Variants in NISCH observed in about 807,000 individuals in gnomAD.
NISCH encodes the protein I-1 receptor candidate protein.
In NISCH, 55 loss-of-function variants were observed where a neutral mutation model predicts 138.4. The observed-to-expected ratio is 0.40, with a 90% CI of 0.32 to 0.50. The LOEUF is 0.50. NISCH is among the 20% of genes least tolerant of loss of function. The probability of loss-of-function intolerance (pLI) is 0.71; values close to 1 mark genes in which losing one functional copy is unlikely to be tolerated. For synonymous variants in NISCH, 860 were observed against 861.5 expected (o/e 1.00, Z 0.03); for missense variants, 1,643 against 2,005.5 (o/e 0.82, Z 3.45).
Position 52,487,907 on chromosome 3 carries a change from G to A in NISCH, c.2415G>A (p.Ala805=), listed in dbSNP as rs778935469. ...SDAANLHEFH[A]DLRSCFAPQH... Reference sequence around the variant, plus strand: ...CCGCCAACCTGCACGAGTTCCACGCGGACCTGCGCTCATGCTTTGCACCCC... The same window carrying A: ...CCGCCAACCTGCACGAGTTCCACGCAGACCTGCGCTCATGCTTTGCACCCC... Residue 805 remains alanine, a synonymous_variant, in exon 16 of 21, where the codon GCG becomes GCA. Coordinates refer to ENST00000345716, the MANE Select transcript of NISCH (RefSeq NM_007184.4). The surrounding 1 kb of genome is among the most constrained non-coding windows in gnomAD (Gnocchi z 9.1). 2.0e-5 allele frequency: 32 copies of A among 1,611,800 alleles called. No homozygotes were observed. In the East Asian group the frequency reaches 4.7e-4, roughly 24 times the overall value.
intron 1 of NISCH, among the ~76,000 whole-genome samples, 162 bp from the exon 2 acceptor site, chr3:52,457,681 G>A (rs1706512904): frequency 6.6e-6 from 1 of 152,218 alleles, no homozygotes; most frequent in Non-Finnish European, 1.5e-5. Flanking sequence ...GAGGCTGGTG[G>A]GCAAGGGCAG....
intron 7 of NISCH, 197 bp from the exon 8 acceptor site, chr3:52,476,250 T>A (rs986632357): frequency 1.0e-4 from 64 of 611,476 alleles, no homozygotes; most frequent in Non-Finnish European, 1.7e-4. Context: ...AAGTGGCTGT[T>A]ATGTGGTAAA....
At chr3:52,484,462 T>TGGCGC in intron 13 of NISCH, 51 bp from the exon 14 acceptor site, 1 of 788,670 alleles carries the variant, frequency 1.3e-6, no homozygotes. Flanking sequence ...ACAGCCGCTC[T>TGGCGC]CCCCGCCCCA....
chr3:52,474,014 T>G (rs1028220639), intron 7 of NISCH, among the ~76,000 whole-genome samples, 185 bp downstream of exon 7: 4 of 152,258 alleles, frequency 2.6e-5, no homozygotes, highest in Non-Finnish European at 4.4e-5. Flanking sequence ...TGGGACACTT[T>G]AGTTCACATC....
At chr3:52,471,602 C>G (rs1038883653) in intron 4 of NISCH, 1 of 598,178 alleles carries the variant, frequency 1.7e-6, no homozygotes, top group Admixed American at 3.0e-5. Flanking sequence ...AGCCCCACAG[C>G]CCTGCCCTCC....
intron 3 of NISCH, among the ~76,000 whole-genome samples, chr3:52,468,293 G>C (rs976392464): frequency 1.3e-5 from 2 of 152,130 alleles, no homozygotes; most frequent in Non-Finnish European, 2.9e-5. Context: ...AATGAGGTTT[G>C]TTCAGTACTG....
chr3:52,481,918 G>A (rs888248052), intron 13 of NISCH: 1 of 985,296 alleles, frequency 1.0e-6, no homozygotes, highest in African/African-American at 1.7e-5. Context: ...GTCTTTGTGT[G>A]CACCTCTCTT....
At chr3:52,464,343 A>T (rs1706719698) in intron 3 of NISCH, among the ~76,000 whole-genome samples, 2 of 151,968 alleles carry the variant, frequency 1.3e-5, no homozygotes. Flanking sequence ...GATTGCAATG[A>T]GTGAGACCAC....
intron 11 of NISCH, among the ~76,000 whole-genome samples, chr3:52,479,032 G>A (rs189323483): frequency 6.6e-6 from 1 of 152,088 alleles, no homozygotes; most frequent in African/African-American, 2.4e-5. Flanking sequence ...ATTGGTCCTT[G>A]GACCTTCTGT....
In NISCH at chr3:52,472,035, C is replaced by T; in HGVS notation, c.573+58C>T. On this transcript the variant is annotated intron_variant, in intron 5 of 20. Coordinates refer to ENST00000345716, the MANE Select transcript of NISCH (RefSeq NM_007184.4). The stretch of plus-strand genomic sequence containing the variant: ...CCGCAGTCGGTGGGGGTGCAACCTG[C>T]GGGGGACTGGCTGGCAGTTTGTGTG... 6.6e-6 allele frequency: 10 copies of T among 1,505,812 alleles called. No individual in the cohort carries two copies. The South Asian group carries it at 9.1e-5, about 14-fold the overall frequency. 93.3% of individuals were successfully genotyped at this position (1,505,812 alleles called of 1,614,324 possible).
At chr3:52,469,416 G>T (rs1245974507) in intron 3 of NISCH, among the ~76,000 whole-genome samples, 1 of 152,244 alleles carries the variant, frequency 6.6e-6, no homozygotes, top group Non-Finnish European at 1.5e-5. Context: ...ATGTAAAATT[G>T]AGGGTGTCGG....
intron 13 of NISCH, chr3:52,481,878 T>C (rs929696774): frequency 4.7e-5 from 46 of 985,360 alleles, no homozygotes; most frequent in Admixed American, 6.1e-5. Flanking sequence ...GCCTCCAGAT[T>C]TGCACCTCTT....
At position 52,455,676 on chromosome 3, in the gene NISCH, A is replaced by C. The variant is rs1706443057; in HGVS notation, c.35A>C (p.Glu12Ala). The change falls in exon 1 of 21, where the codon GAA becomes GCA. Residue 12 changes from glutamate to alanine, a missense_variant. By Grantham distance (107) the Glu-to-Ala change is moderately radical. Coordinates refer to ENST00000345716, the MANE Select transcript of NISCH (RefSeq NM_007184.4). ...GCGCGCACCTTCGGGCCCGAGCGGG[A>C]AGCCGAGCCGGCCAAGGAAGCGCGC... ...ATARTFGPER[E>A]AEPAKEARVV... 7.4e-7 allele frequency: 1 copy of C among 1,360,302 alleles called. No homozygotes were observed. The highest frequency in any genetic ancestry group is 2.1e-5 in the South Asian group (1 of 46,712). The allele number at this position is 1,360,302 out of a possible 1,614,324, so 84.3% of individuals were successfully genotyped here.
chr3:52,487,577 C>T lies in NISCH; in HGVS notation c.2085C>T (p.Gly695=), dbSNP rs368096988. The T allele has an allele frequency of 3.3e-5, 53 of 1,612,896 alleles. No homozygotes were observed. The highest frequency in any genetic ancestry group is 3.7e-5 in the Non-Finnish European group (44 of 1,179,208). ...EERLALEWAL[G]ADEDFLLEHI... ...GCCTGGCTCTGGAATGGGCCCTGGG[C>T]GCGGACGAGGACTTCCTGCTGGAGC... The change falls in exon 16 of 21, where the codon GGC becomes GGT. Residue 695 remains glycine, a synonymous_variant. Coordinates refer to ENST00000345716, the MANE Select transcript of NISCH (RefSeq NM_007184.4). This position sits in a 1 kb window ranked among gnomAD's most constrained non-coding sequence, Gnocchi z 9.1.
Position 52,471,921 on chromosome 3 carries a change from G to A in NISCH, c.517G>A (p.Ala173Thr). 2 of 1,612,048 alleles carry A rather than the reference G, an allele frequency of 1.2e-6. No individual in the cohort carries two copies. The highest frequency in any genetic ancestry group is 1.7e-6 in the Non-Finnish European group (2 of 1,178,660). ...AAAGCCCACGTGCGCCAGTGGGGAT[G>A]CCAAGACCGACCTCGGGCACATCCT... The part of the protein sequence containing the change: ...QGKPTCASGD[A>T]KTDLGHILDF... The change falls in exon 5 of 21, where the codon GCC becomes ACC. Residue 173 changes from alanine (A) to threonine (T), a missense_variant. By Grantham distance (58) the Ala-to-Thr change is moderately conservative (BLOSUM62 0). Transcript: ENST00000345716.
At chr3:52,458,886 C>G (rs768181951) in intron 3 of NISCH, 42 bp downstream of exon 3, 2 of 1,535,902 alleles carry the variant, frequency 1.3e-6, no homozygotes, top group Admixed American at 4.1e-5. Flanking sequence ...TGCAAACCCA[C>G]AACTGCCAAA....
chr3:52,491,664 CAG>C, intron 20 of NISCH, 151 bp downstream of exon 20: 2 of 1,066,304 alleles, frequency 1.9e-6, no homozygotes, highest in Non-Finnish European at 2.7e-6. Flanking sequence ...TTTTCGATGG[CAG>C]AGTCTCCACT....
chr3:52,464,803 C>T (rs1375635907), intron 3 of NISCH, among the ~76,000 whole-genome samples: 1 of 150,866 alleles, frequency 6.6e-6, no homozygotes, highest in Non-Finnish European at 1.5e-5. Flanking sequence ...GGCATTACAG[C>T]CTGAGCCACC....
chr3:52,477,000 A>G lies in NISCH; in HGVS notation c.918+401A>G, dbSNP rs534415837. Among the ~76,000 whole-genome samples the G allele has an allele frequency of 3.3e-5, 5 of 152,362 alleles. No homozygotes were observed. The East Asian group carries it at 9.6e-4, about 29-fold the overall frequency. On this transcript the variant is annotated intron_variant, in intron 8 of 20. Coordinates refer to ENST00000345716, the MANE Select transcript of NISCH (RefSeq NM_007184.4). The stretch of plus-strand genomic sequence containing the variant: ...CAGTGAGCTGAGATAGGGCCACTGC[A>G]TTCCAGCCTGGGCGACAGAGTGAGA...
Sources: allele counts gnomAD v4.1 joint callset (sites outside exome capture counted in the v4.1 genomes callset), GRCh38; gene constraint gnomAD v4.1.1; non-coding constraint Gnocchi (gnomAD v3.1); transcripts MANE v1.5; gene names NCBI Gene and HGNC (gene_info 2026-07-23, HGNC 2026-07-21).